The following TRPC3 variants were observed in gnomAD, a reference collection of about 807,000 sequenced individuals.
TRPC3 encodes short transient receptor potential channel 3.
Under a neutral mutation model 90.9 loss-of-function variants are expected in TRPC3, and 54 were observed. The ratio of observed to expected loss-of-function variants is 0.59; its 90% CI spans 0.48 to 0.75. TRPC3 has a LOEUF of 0.75. Ranked by LOEUF, TRPC3 falls within the 30% of genes least tolerant of loss-of-function variation. TRPC3 has a pLI of 0.00. For missense variants in TRPC3, 918 were observed against 1,194.5 expected (o/e 0.77, Z 3.41); for synonymous variants, 424 against 450.9 (o/e 0.94, Z 0.75).
At position 121,932,678 on chromosome 4, in the gene TRPC3, T is replaced by C; in HGVS notation, c.580A>G (p.Ile194Val). 1.2e-6 allele frequency: 2 copies of C among 1,613,332 alleles called. No homozygotes were observed. Among genetic ancestry groups the C allele is most frequent in the Non-Finnish European group, 1.7e-6 (2 of 1,179,470 alleles). The part of the protein sequence containing the change: ...SKGYVRIVEA[I>V]LNHPGFAASK... ...GCCGCGAAGCCAGGGTGGTTGAGGATGGCCTCTACGATGCGCACGTAGCCC... is the reference window on the plus strand; with the variant it reads ...GCCGCGAAGCCAGGGTGGTTGAGGACGGCCTCTACGATGCGCACGTAGCCC... The change falls in exon 2 of 12, where the codon ATC (isoleucine) becomes GTC (valine). Residue 194 changes from isoleucine to valine, a missense_variant. This residue lies in a region of TRPC3 where 609 missense variants were observed against 725.9 expected (regional missense o/e 0.84). Transcript: ENST00000379645. The surrounding 1 kb of genome is among the most constrained non-coding windows in gnomAD (Gnocchi z 7.7).
At chr4:121,884,400 A>T (rs1728040319) in intron 10 of TRPC3, among the ~76,000 whole-genome samples, 2 of 152,282 alleles carry the variant, frequency 1.3e-5, no homozygotes, top group South Asian at 4.1e-4. Context: ...TAATGTTATC[A>T]TTGTCAGGTC....
chr4:121,941,045 C>A (rs1730293909), intron 1 of TRPC3, among the ~76,000 whole-genome samples: 1 of 152,152 alleles, frequency 6.6e-6, no homozygotes, highest in African/African-American at 2.4e-5. Flanking sequence ...GTCTTCCTGG[C>A]TACTTTATCA....
rs1469498510 is a variant in TRPC3, at chr4:121,876,235, G to C, written c.*3501C>G. On this transcript the variant is annotated 3_prime_UTR_variant, in exon 12 of 12. Transcript: ENST00000379645. ...GGCTGAGGCAGGAGGATCGCTTGAGGCCAAAAGTTAAAGACTAGCCTGGAC... is the reference window on the plus strand; with the variant it reads ...GGCTGAGGCAGGAGGATCGCTTGAGCCCAAAAGTTAAAGACTAGCCTGGAC... 2.0e-5 allele frequency among the ~76,000 whole-genome samples: 3 copies of C among 151,736 alleles called. No homozygotes were observed. The highest frequency in any genetic ancestry group is 4.4e-5 in the Non-Finnish European group (3 of 67,942).
chr4:121,892,303 T>C (rs1728357770), intron 10 of TRPC3, among the ~76,000 whole-genome samples: 1 of 152,214 alleles, frequency 6.6e-6, no homozygotes, highest in African/African-American at 2.4e-5. Context: ...GTTTGGCACA[T>C]GGCCACTTGA....
chr4:121,894,306 C>A (rs1728434915), intron 10 of TRPC3, among the ~76,000 whole-genome samples: 1 of 151,868 alleles, frequency 6.6e-6, no homozygotes, highest in Non-Finnish European at 1.5e-5. Context: ...AGAGAATATA[C>A]CAGTTATAAA....
At chr4:121,926,700 C>T (rs147420142) in intron 2 of TRPC3, among the ~76,000 whole-genome samples, 3 of 152,304 alleles carry the variant, frequency 2.0e-5, no homozygotes, top group East Asian at 1.9e-4. Flanking sequence ...AGTCACCGCA[C>T]CCGGCCTCAT....
At chr4:121,902,704 A>C in intron 9 of TRPC3, 148 bp downstream of exon 9, 1 of 527,108 alleles carries the variant, frequency 1.9e-6, no homozygotes, top group Non-Finnish European at 3.2e-6. Flanking sequence ...GAAAATATTT[A>C]GTATTAGTCT....
At chr4:121,943,469 G>T (rs1010663287) in intron 1 of TRPC3, among the ~76,000 whole-genome samples, 10 of 151,834 alleles carry the variant, frequency 6.6e-5, no homozygotes, top group African/African-American at 2.4e-4. Context: ...GAGGCAAACA[G>T]GAGATAAATC....
chr4:121,886,748 T>C (rs759550405), intron 10 of TRPC3, among the ~76,000 whole-genome samples: 2 of 152,272 alleles, frequency 1.3e-5, no homozygotes, highest in Middle Eastern at 3.4e-3. Flanking sequence ...AACCTATTGA[T>C]TGACTTTAAA....
Position 121,932,463 on chromosome 4 carries a change from A to G in TRPC3, c.795T>C (p.Tyr265=), listed in dbSNP as rs1415991001. 1 of 1,614,176 alleles carries G rather than the reference A, an allele frequency of 6.2e-7. No homozygotes were observed. The change falls in exon 2 of 12, where the codon TAT becomes TAC. Residue 265 remains tyrosine (Y), a synonymous_variant. Coordinates refer to ENST00000379645, the MANE Select transcript of TRPC3 (RefSeq NM_001130698.2). The surrounding 1 kb of genome is among the most constrained non-coding windows in gnomAD (Gnocchi z 7.7). The part of the protein sequence containing the change: ...KGARIERPHD[Y]FCKCGDCMEK... ...CCATGCAGTCCCCGCACTTGCAGAA[A>G]TAGTCGTGCGGCCGCTCGATCCTGG... is the stretch of plus-strand genomic sequence containing the variant.
chr4:121,902,277 T>C (rs1461711068), intron 9 of TRPC3, among the ~76,000 whole-genome samples: 1 of 152,214 alleles, frequency 6.6e-6, no homozygotes, highest in Non-Finnish European at 1.5e-5. Context: ...TAACAAAGTA[T>C]GATCATGAAA....
At chr4:121,911,476 T>C (rs569756432) in intron 5 of TRPC3, among the ~76,000 whole-genome samples, 1 of 152,248 alleles carries the variant, frequency 6.6e-6, no homozygotes, top group East Asian at 1.9e-4. Flanking sequence ...ATTCTGAAAA[T>C]GAAAACTCTC....
intron 2 of TRPC3, chr4:121,930,819 G>A: frequency 3.2e-6 from 1 of 314,486 alleles, no homozygotes; most frequent in Admixed American, 5.6e-5. Flanking sequence ...TTTTCAACTT[G>A]CTCTGAGATC....
rs1475158299 is a variant in TRPC3 at position 121,932,850 on chromosome 4, C to T, written c.408G>A (p.Lys136=). ...AGTCCACGCAGTTGACGTTCAGCGT[C>T]TTGGACTCCTCCAGCATCTTGCGCA... ...PVVRKMLEES[K]TLNVNCVDYM... The change falls in exon 2 of 12, where the codon AAG becomes AAA. Residue 136 remains lysine (K), a synonymous_variant. Transcript: ENST00000379645. This position sits in a 1 kb window ranked among gnomAD's most constrained non-coding sequence, Gnocchi z 7.7. 1 of 1,612,892 alleles carries T rather than the reference C, an allele frequency of 6.2e-7. No individual in the cohort carries two copies. The highest frequency in any genetic ancestry group is 2.2e-5 in the East Asian group (1 of 44,826).
At chr4:121,891,952 C>CT (rs1728344763) in intron 10 of TRPC3, among the ~76,000 whole-genome samples, 2 of 152,224 alleles carry the variant, frequency 1.3e-5, no homozygotes, top group South Asian at 2.1e-4. Context: ...ATAAATAATC[C>CT]TTTTTTCCCC....
At chr4:121,916,700 C>T (rs184418046) in intron 3 of TRPC3, among the ~76,000 whole-genome samples, 1 of 151,022 alleles carries the variant, frequency 6.6e-6, no homozygotes, top group Admixed American at 6.7e-5. Flanking sequence ...TTTCCAGCCT[C>T]CAGAACTGTA....
intron 1 of TRPC3, among the ~76,000 whole-genome samples, chr4:121,941,144 A>G (rs534556672): frequency 6.6e-6 from 1 of 152,334 alleles, no homozygotes; most frequent in East Asian, 1.9e-4. Context: ...GTGTCAGAAC[A>G]TTTTGGTTCT....
At chr4:121,940,058 G>A (rs955502677) in intron 1 of TRPC3, among the ~76,000 whole-genome samples, 2 of 152,182 alleles carry the variant, frequency 1.3e-5, no homozygotes, top group Admixed American at 1.3e-4. Flanking sequence ...TCTTTCTGCA[G>A]TGTGCTGAAT....
intron 10 of TRPC3, among the ~76,000 whole-genome samples, chr4:121,887,400 C>T (rs1728161350): frequency 6.6e-6 from 1 of 152,174 alleles, no homozygotes; most frequent in African/African-American, 2.4e-5. Flanking sequence ...TGACTTATAT[C>T]TTTGTATCTG....
Sources: gnomAD v4.1 joint callset for allele counts (sites outside exome capture counted in the v4.1 genomes callset) on GRCh38, gnomAD v4.1.1 for gene constraint, gnomAD v4.1.1 regional missense constraint, Gnocchi (gnomAD v3.1) non-coding constraint, MANE v1.5 for transcripts, NCBI Gene and HGNC (gene_info 2026-07-23, HGNC 2026-07-21) for gene names.